Variants in ALMS1 observed in about 807,000 individuals in gnomAD.
ALMS1 encodes the protein centrosome-associated protein ALMS1.
Under a neutral mutation model 352.2 loss-of-function variants are expected in ALMS1, and 271 were observed. That is an observed-to-expected ratio of 0.77 (90% CI 0.70 to 0.85). The LOEUF (loss-of-function observed/expected upper bound fraction) is 0.85. Among genes scored for constraint, ALMS1 ranks in the 40% least tolerant of loss-of-function variants. The pLI is 0.00. For synonymous variants in ALMS1, 1,865 were observed against 1,761.2 expected, an observed-to-expected ratio of 1.06 and a Z score of -1.48; for missense variants, 5,445 against 4,870.7, an observed-to-expected ratio of 1.12 and a Z score of -3.51.
chr2:73,485,078 CAA>C (rs1672799152), intron 9 of ALMS1, among the ~76,000 whole-genome samples: 1 of 152,222 alleles, frequency 6.6e-6, no homozygotes, highest in Non-Finnish European at 1.5e-5. Flanking sequence ...CTCAGCTCGT[CAA>C]AGTCATTCTC....
chr2:73,605,799 C>T (rs1488540179), intron 21 of ALMS1, among the ~76,000 whole-genome samples: 5 of 151,352 alleles, frequency 3.3e-5, no homozygotes, highest in African/African-American at 7.3e-5. Flanking sequence ...GCCAAGATCG[C>T]GCCACTGCAC....
At chr2:73,575,901 G>C (rs1026081315) in intron 16 of ALMS1, among the ~76,000 whole-genome samples, 3 of 151,488 alleles carry the variant, frequency 2.0e-5, no homozygotes, top group African/African-American at 7.3e-5. Flanking sequence ...AGAAATATTT[G>C]CCAAATCCAG....
chr2:73,398,978 G>A (rs1378855565), intron 1 of ALMS1, among the ~76,000 whole-genome samples: 4 of 152,064 alleles, frequency 2.6e-5, no homozygotes, highest in Non-Finnish European at 4.4e-5. Flanking sequence ...TGAGTAGCTG[G>A]GATTACAGGC....
intron 16 of ALMS1, among the ~76,000 whole-genome samples, chr2:73,589,462 T>C (rs1573044151): frequency 6.6e-6 from 1 of 152,316 alleles, no homozygotes; most frequent in East Asian, 1.9e-4. Context: ...GACCCCTCTT[T>C]TTAAAATTTT....
chr2:73,537,440 G>A (rs536801068), intron 12 of ALMS1, among the ~76,000 whole-genome samples: 14 of 152,312 alleles, frequency 9.2e-5, no homozygotes, highest in African/African-American at 3.4e-4. Flanking sequence ...GTTGACAGCT[G>A]CCTAGGTCAG....
chr2:73,598,855 T>G, intron 16 of ALMS1, among the ~76,000 whole-genome samples: 1 of 152,216 alleles, frequency 6.6e-6, no homozygotes, highest in Non-Finnish European at 1.5e-5. Flanking sequence ...TGAAATTGCC[T>G]TCATTGCTCT....
intron 16 of ALMS1, among the ~76,000 whole-genome samples, chr2:73,583,466 ATTGTGTC>A (rs1335566581): frequency 6.6e-6 from 1 of 152,048 alleles, no homozygotes; most frequent in Non-Finnish European, 1.5e-5. Context: ...CACTCTGTTG[ATTGTGTC>A]CCCTGATGTA....
At chr2:73,522,550 A>G (rs1572993452) in intron 11 of ALMS1, among the ~76,000 whole-genome samples, 2 of 146,844 alleles carry the variant, frequency 1.4e-5, no homozygotes, top group African/African-American at 2.6e-5. Flanking sequence ...GCTCACTGCA[A>G]CCTGCATCTT....
chr2:73,477,918 T>C (rs1472039851), intron 9 of ALMS1, among the ~76,000 whole-genome samples: 1 of 152,188 alleles, frequency 6.6e-6, no homozygotes. Flanking sequence ...CAAATAGATA[T>C]AGTTGTACTT....
intron 9 of ALMS1, among the ~76,000 whole-genome samples, chr2:73,471,867 A>G (rs966642446): frequency 6.6e-6 from 1 of 152,038 alleles, no homozygotes; most frequent in African/African-American, 2.4e-5. Flanking sequence ...TACATATCCA[A>G]AGGAAATGAA....
At chr2:73,554,722 G>A (rs1424122781) in intron 13 of ALMS1, among the ~76,000 whole-genome samples, 1 of 152,040 alleles carries the variant, frequency 6.6e-6, no homozygotes, top group Non-Finnish European at 1.5e-5. Flanking sequence ...CCTCAGCATG[G>A]GGGAGATGGA....
chr2:73,474,898 CT>C (rs909549794), intron 9 of ALMS1, among the ~76,000 whole-genome samples: 7 of 152,168 alleles, frequency 4.6e-5, no homozygotes, highest in African/African-American at 1.7e-4. Flanking sequence ...TCATTAGCCC[CT>C]CTCCCCCAAT....
At chr2:73,474,154 T>C (rs1057214458) in intron 9 of ALMS1, among the ~76,000 whole-genome samples, 1 of 151,998 alleles carries the variant, frequency 6.6e-6, no homozygotes, top group African/African-American at 2.4e-5. Context: ...TTTTTTTAAA[T>C]CTGGTTTTGA....
chr2:73,437,676 C>G (rs528059962), intron 7 of ALMS1, among the ~76,000 whole-genome samples: 1 of 152,274 alleles, frequency 6.6e-6, no homozygotes, highest in African/African-American at 2.4e-5. Context: ...GAGCTCCTCA[C>G]TTATCTCTCA....
At chr2:73,418,883 C>T (rs970387437) in intron 2 of ALMS1, among the ~76,000 whole-genome samples, 1 of 151,908 alleles carries the variant, frequency 6.6e-6, no homozygotes, top group Non-Finnish European at 1.5e-5. Context: ...CTGGCAGCGG[C>T]GTACAATACA....
chr2:73,609,583 C>CT lies in ALMS1; in HGVS notation c.12480dup (p.Leu4161SerfsTer34). 1 of 1,614,154 alleles carries CT rather than the reference C, an allele frequency of 6.2e-7. No individual in the cohort carries two copies. The highest frequency in any genetic ancestry group is 8.5e-7 in the Non-Finnish European group (1 of 1,179,994). On this transcript the variant is annotated frameshift_variant, in exon 23 of 23. Transcript: ENST00000613296. LOFTEE classifies it high-confidence loss of function. The stretch of plus-strand genomic sequence containing the variant: ...TCTTCTACAGAGAGTGACCAATCAA[C>CT]TTCTGGGGAGAAAAGTTCCCTGGGA...
intron 18 of ALMS1, 78 bp downstream of exon 18, chr2:73,600,959 C>A: frequency 6.6e-7 from 1 of 1,509,450 alleles, no homozygotes; most frequent in South Asian, 1.2e-5. Flanking sequence ...TCTGTGTTTC[C>A]AAGTGACTCT....
intron 10 of ALMS1, among the ~76,000 whole-genome samples, chr2:73,509,842 C>T (rs1480080186): frequency 1.3e-5 from 2 of 152,194 alleles, no homozygotes; most frequent in Non-Finnish European, 2.9e-5. Flanking sequence ...TGGATAATAT[C>T]CTGCAGAGTG....
At chr2:73,565,511 C>G (rs1674783329) in intron 15 of ALMS1, among the ~76,000 whole-genome samples, 1 of 152,054 alleles carries the variant, frequency 6.6e-6, no homozygotes, top group African/African-American at 2.4e-5. Flanking sequence ...GTAGATATTC[C>G]ACCATCAGGG....
Sources: allele counts gnomAD v4.1 joint callset (sites outside exome capture counted in the v4.1 genomes callset), GRCh38; gene constraint gnomAD v4.1.1; transcripts MANE v1.5; gene names NCBI Gene and HGNC (gene_info 2026-07-23, HGNC 2026-07-21).